Variants in MIDEAS observed in about 807,000 individuals in gnomAD.
MIDEAS encodes the protein mitotic deacetylase associated SANT domain protein, also known as mitotic deacetylase-associated SANT domain protein.
MIDEAS carries 26 observed loss-of-function variants against 102.7 expected under a neutral mutation model. The observed-to-expected ratio is 0.25, with a 90% CI of 0.19 to 0.35. The LOEUF (loss-of-function observed/expected upper bound fraction) is 0.35, where lower values mean the gene tolerates loss of function less well. MIDEAS is among the 10% of genes least tolerant of loss of function. The pLI is 1.00. For synonymous variants in MIDEAS, 585 were observed against 591.0 expected (o/e 0.99, Z 0.15); for missense variants, 1,231 against 1,435.6 (o/e 0.86, Z 2.30).
intron 9 of MIDEAS, chr14:73,723,848 C>A (rs1212134210): frequency 6.6e-6 from 1 of 152,160 alleles, no homozygotes; most frequent in Non-Finnish European, 1.5e-5. Context: ...TTAATCCAGG[C>A]AAACAATTTC....
chr14:73,785,652 T>A (rs939607136), intron 1 of MIDEAS, among the ~76,000 whole-genome samples: 3 of 152,234 alleles, frequency 2.0e-5, no homozygotes, highest in Admixed American at 6.5e-5. Context: ...CGTGCAATTT[T>A]GCTAATTCAA....
chr14:73,788,132 A>C (rs1034813624), upstream of MIDEAS, among the ~76,000 whole-genome samples: 10 of 151,590 alleles, frequency 6.6e-5, no homozygotes, highest in African/African-American at 2.4e-4. Flanking sequence ...GCTGGAGAAA[A>C]AACGGGGTTA....
chr14:73,726,589 G>C lies in MIDEAS; in HGVS notation c.2409+15C>G. On this transcript the variant is annotated intron_variant, in intron 7 of 12. Transcript: ENST00000423556. ...CCACTGAGGGGCCCTCCCTCTGCTGGGGTTGCCTTCTCACCAGGATGTCTC... is the reference window on the plus strand; with the variant it reads ...CCACTGAGGGGCCCTCCCTCTGCTGCGGTTGCCTTCTCACCAGGATGTCTC... 6.2e-7 allele frequency: 1 copy of C among 1,612,858 alleles called. No homozygotes were observed. Among genetic ancestry groups the C allele is most frequent in the South Asian group, 1.1e-5 (1 of 91,020 alleles).
At chr14:73,755,475 C>T (rs560404308) in intron 1 of MIDEAS, among the ~76,000 whole-genome samples, 127 of 152,374 alleles carry the variant, frequency 8.3e-4, no homozygotes, top group Non-Finnish European at 1.6e-3. Flanking sequence ...TCTACCCAAA[C>T]CTCCTGCGAG....
At chr14:73,770,362 C>CGATGATGAT (rs10536715) in intron 1 of MIDEAS, among the ~76,000 whole-genome samples, 1 of 151,344 alleles carries the variant, frequency 6.6e-6, no homozygotes, top group Non-Finnish European at 1.5e-5. Flanking sequence ...ATGATGATGA[C>CGATGATGAT]GATGATGATG....
rs575004955 is a variant in MIDEAS at position 73,725,516 on chromosome 14, C to T, written c.2486-156G>A. Among the ~76,000 whole-genome samples, 17 of 152,322 alleles carry T rather than the reference C, an allele frequency of 1.1e-4. No individual in the cohort carries two copies. The highest frequency in any genetic ancestry group is 3.8e-4 in the African/African-American group (16 of 41,580). On this transcript the variant is annotated intron_variant, in intron 8 of 12. Coordinates refer to ENST00000423556, the MANE Select transcript of MIDEAS (RefSeq NM_001367710.1). The surrounding 1 kb of genome is among the most constrained non-coding windows in gnomAD (Gnocchi z 4.1). ...CCCACTTCCATGTGCCTCACAGCCT[C>T]GCTCCCTTGCTTGTGAAATGGAAAC...
chr14:73,756,285 T>TGC (rs1187224690), intron 1 of MIDEAS, among the ~76,000 whole-genome samples: 2 of 97,172 alleles, frequency 2.1e-5, no homozygotes, highest in African/African-American at 7.9e-5. Flanking sequence ...TGTGTGTGTG[T>TGC]GTGTGTGTGT....
chr14:73,761,601 G>C (rs2053554903), upstream of MIDEAS, among the ~76,000 whole-genome samples: 1 of 152,192 alleles, frequency 6.6e-6, no homozygotes, highest in Non-Finnish European at 1.5e-5. Flanking sequence ...AGGACCTCTT[G>C]AGATCCCTTC....
rs199689942 is a variant in MIDEAS at position 73,737,051 on chromosome 14, T to C, written c.1696A>G (p.Ile566Val). 16 of 1,613,978 alleles carry C rather than the reference T, an allele frequency of 9.9e-6. No individual in the cohort carries two copies. The African/African-American group carries it at 1.9e-4, about 19-fold the overall frequency. Residue 566 changes from isoleucine (I) to valine (V), a missense_variant, in exon 3 of 13, where the codon ATC becomes GTC. Transcript: ENST00000423556. Reference sequence around the variant, plus strand: ...CGGGTGGACCGCCTGCGGGTGACGATGACTGATGGCTTGTGCTCAGCAGGG... The same window carrying C: ...CGGGTGGACCGCCTGCGGGTGACGACGACTGATGGCTTGTGCTCAGCAGGG... ...QNPAEHKPSV[I>V]VTRRRSTRIP...
At position 73,730,019 on chromosome 14, in the gene MIDEAS, C is replaced by T. The variant is rs568125826; in HGVS notation, c.1750-34G>A. 9 of 1,597,846 alleles carry T rather than the reference C, an allele frequency of 5.6e-6. No homozygotes were observed. In the Middle Eastern group the frequency reaches 5.0e-4, roughly 88 times the overall value. The stretch of plus-strand genomic sequence containing the variant: ...GGAAAGAAAACAAGGACGGCTCAGC[C>T]CCCCGTGTCCCAGAGAAAGTAAAGT... On this transcript the variant is annotated intron_variant, in intron 3 of 12. Transcript: ENST00000423556.
upstream of MIDEAS, among the ~76,000 whole-genome samples, chr14:73,763,124 G>A (rs1272919934): frequency 6.6e-6 from 1 of 152,068 alleles, no homozygotes; most frequent in East Asian, 1.9e-4. Context: ...GTGCTTGAGC[G>A]CAGGAGTTTA....
In MIDEAS at chr14:73,719,331, G is replaced by C. The variant is rs1566580437; in HGVS notation, c.3108C>G (p.Asn1036Lys). Residue 1036 changes from asparagine to lysine, a missense_variant, in exon 12 of 13, where the codon AAC (asparagine) becomes AAG (lysine). By Grantham distance (94) the Asn-to-Lys change is moderately conservative (BLOSUM62 0). Coordinates refer to ENST00000423556, the MANE Select transcript of MIDEAS (RefSeq NM_001367710.1). ...TGCCACATTTTTTACAGGGGAAAGT[G>C]TTCTCCTGATTCTGGGTCTTACTGA... is the stretch of plus-strand genomic sequence containing the variant. ...ETFSKTQNQE[N>K]TFPCKKCGRV... 6.2e-7 allele frequency: 1 copy of C among 1,613,316 alleles called. No homozygotes were observed. The highest frequency in any genetic ancestry group is 8.5e-7 in the Non-Finnish European group (1 of 1,179,656).
At chr14:73,788,216 C>G (rs1455205841), upstream of MIDEAS, among the ~76,000 whole-genome samples, 1 of 151,348 alleles carries the variant, frequency 6.6e-6, no homozygotes, top group Non-Finnish European at 1.5e-5. Flanking sequence ...GAAACATTAG[C>G]TTCATTGTAG....
chr14:73,773,481 C>T (rs1033279868), intron 1 of MIDEAS, among the ~76,000 whole-genome samples: 5 of 151,684 alleles, frequency 3.3e-5, no homozygotes, highest in Non-Finnish European at 7.4e-5. Context: ...ATGAGCCCAC[C>T]CCTCCCTGGA....
chr14:73,752,099 T>C (rs2140143176), intron 1 of MIDEAS, among the ~76,000 whole-genome samples: 1 of 152,252 alleles, frequency 6.6e-6, no homozygotes, highest in African/African-American at 2.4e-5. Context: ...TCTCAGAGTG[T>C]TGCTTCTCCC....
upstream of MIDEAS, among the ~76,000 whole-genome samples, chr14:73,764,903 G>A (rs1456132187): frequency 1.3e-5 from 2 of 152,216 alleles, no homozygotes; most frequent in Admixed American, 1.3e-4. Context: ...GCCTGAGAAG[G>A]AGCCTCTGTA....
intron 1 of MIDEAS, among the ~76,000 whole-genome samples, chr14:73,786,133 G>A (rs1320198087): frequency 1.3e-5 from 2 of 152,162 alleles, no homozygotes; most frequent in Non-Finnish European, 1.5e-5. Flanking sequence ...CGGCTCGGAC[G>A]CACTTTCCTG....
chr14:73,747,103 T>TC (rs1385912440), intron 1 of MIDEAS, among the ~76,000 whole-genome samples: 1 of 152,158 alleles, frequency 6.6e-6, no homozygotes, highest in Admixed American at 6.5e-5. Flanking sequence ...AAGGCCTACC[T>TC]CCTCCAGCTG....
Position 73,739,100 on chromosome 14 carries a change from G to C in MIDEAS, c.909C>G (p.His303Gln). The C allele has an allele frequency of 6.2e-7, 1 of 1,601,826 alleles. No homozygotes were observed. The highest frequency in any genetic ancestry group is 8.5e-7 in the Non-Finnish European group (1 of 1,172,244). ...GGAAGGGGTAGGGTGCCATGCTGTGGTGAGCCAGGTGGGACTGTCCCAGTG... is the reference window on the plus strand; with the variant it reads ...GGAAGGGGTAGGGTGCCATGCTGTGCTGAGCCAGGTGGGACTGTCCCAGTG... Reference protein sequence around the residue: ...AGPLGQSHLAHHSMAPYPFPP... With the variant: ...AGPLGQSHLAQHSMAPYPFPP... The change falls in exon 2 of 13, where the codon CAC becomes CAG. Residue 303 changes from histidine (H) to glutamine (Q), a missense_variant. Transcript: ENST00000423556.
Sources: gnomAD v4.1 joint callset for allele counts (sites outside exome capture counted in the v4.1 genomes callset) on GRCh38, gnomAD v4.1.1 for gene constraint, Gnocchi (gnomAD v3.1) non-coding constraint, MANE v1.5 for transcripts, NCBI Gene and HGNC (gene_info 2026-07-23, HGNC 2026-07-21) for gene names.